Variants in TRIM9 observed in about 807,000 individuals in gnomAD.
The protein encoded by TRIM9 is tripartite motif containing 9.
A neutral mutation model predicts 78.3 loss-of-function variants in TRIM9; 26 were observed. The ratio of observed to expected loss-of-function variants is 0.33; its 90% CI spans 0.24 to 0.46. The LOEUF (loss-of-function observed/expected upper bound fraction) is 0.46. Ranked by LOEUF, TRIM9 falls within the 20% of genes least tolerant of loss-of-function variation. The probability of loss-of-function intolerance (pLI) is 1.00; values close to 1 mark genes in which losing one functional copy is unlikely to be tolerated. For missense variants in TRIM9, 787 were observed against 1,036.4 expected, an observed-to-expected ratio of 0.76 and a Z score of 3.30; for synonymous variants, 398 against 416.5, an observed-to-expected ratio of 0.96 and a Z score of 0.54.
Position 50,979,527 on chromosome 14 carries a change from C to T in TRIM9, c.2185G>A (p.Gly729Arg). Residue 729 changes from glycine to arginine, a missense_variant, in exon 12 of 13, where the codon GGG (glycine) becomes AGG (arginine). Gly to Arg is a moderately radical substitution (Grantham distance 125). Coordinates refer to ENST00000684578, the MANE Select transcript of TRIM9 (RefSeq NM_001387360.1). ...TNRTEGGITK[G>R]ATIGVLLDLN... The stretch of plus-strand genomic sequence containing the variant: ...TCGAGGAGGACCCCAATTGTGGCCC[C>T]TTTTGTGATCCCTCCCTCAGTTCTG... 2 of 1,614,076 alleles carry T rather than the reference C, an allele frequency of 1.2e-6. No homozygotes were observed. Among genetic ancestry groups the T allele is most frequent in the East Asian group, 2.2e-5 (1 of 44,878 alleles).
intron 8 of TRIM9, 141 bp from the exon 9 acceptor site, chr14:50,983,562 T>G (rs1428944621): frequency 4.0e-6 from 2 of 499,542 alleles, no homozygotes; most frequent in African/African-American, 3.9e-5. Context: ...TTTATATTAT[T>G]TAGTTTGTTG....
At chr14:50,999,422 C>G (rs1355356313) in intron 6 of TRIM9, among the ~76,000 whole-genome samples, 2 of 151,918 alleles carry the variant, frequency 1.3e-5, no homozygotes, top group Non-Finnish European at 2.9e-5. Flanking sequence ...GAACCTGAGG[C>G]CCTTATCTTG....
At chr14:51,010,301 G>T in intron 4 of TRIM9, 83 bp downstream of exon 4, 3 of 1,075,382 alleles carry the variant, frequency 2.8e-6, no homozygotes, top group Non-Finnish European at 4.3e-6. Context: ...CCCACCCAGG[G>T]CTGTTGGAAG....
At chr14:51,024,135 T>C (rs925658060) in intron 2 of TRIM9, among the ~76,000 whole-genome samples, 8 of 152,130 alleles carry the variant, frequency 5.3e-5, no homozygotes, top group African/African-American at 1.9e-4. Context: ...TGCAGGGTAA[T>C]ATTGGAGGGT....
chr14:51,071,466 T>C (rs1012491172), intron 1 of TRIM9, among the ~76,000 whole-genome samples: 2 of 151,870 alleles, frequency 1.3e-5, no homozygotes, highest in Admixed American at 1.3e-4. Context: ...ATGCCAACTC[T>C]GATACCTGGG....
intron 1 of TRIM9, among the ~76,000 whole-genome samples, chr14:51,042,783 G>A (rs1449916680): frequency 6.6e-6 from 1 of 152,108 alleles, no homozygotes; most frequent in Non-Finnish European, 1.5e-5. Flanking sequence ...AGCTTTGCCA[G>A]GACCCCAAGA....
At chr14:51,093,832 G>A (rs1421749379) in intron 1 of TRIM9, among the ~76,000 whole-genome samples, 1 of 152,218 alleles carries the variant, frequency 6.6e-6, no homozygotes. Context: ...CTGCAGACCC[G>A]CCGCGGAAAG....
intron 1 of TRIM9, among the ~76,000 whole-genome samples, chr14:51,051,417 A>C (rs2060413574): frequency 6.6e-6 from 1 of 152,214 alleles, no homozygotes. Flanking sequence ...TGAACCTCTT[A>C]GCCAAAACTA....
intron 4 of TRIM9, among the ~76,000 whole-genome samples, chr14:51,009,699 T>C (rs2056315594): frequency 6.6e-6 from 1 of 152,248 alleles, no homozygotes; most frequent in South Asian, 2.1e-4. Context: ...AAGCACATCA[T>C]CTTCATGTGA....
At chr14:51,032,543 C>T (rs1401925679) in intron 1 of TRIM9, among the ~76,000 whole-genome samples, 4 of 152,240 alleles carry the variant, frequency 2.6e-5, no homozygotes, top group Non-Finnish European at 5.9e-5. Flanking sequence ...GAAGAACCAT[C>T]CCAGATCTAG....
At position 51,054,122 on chromosome 14, in the gene TRIM9, G is replaced by A. The variant is rs114627763; in HGVS notation, c.823-28762C>T. Reference sequence around the variant, plus strand: ...TTAAAAAGTTAAAAAAAATTTTAGAGACAAGATCTCATCAGGCTGGCCTGG... The same window carrying A: ...TTAAAAAGTTAAAAAAAATTTTAGAAACAAGATCTCATCAGGCTGGCCTGG... On this transcript the variant is annotated intron_variant, in intron 1 of 12. Transcript: ENST00000684578. Among the ~76,000 whole-genome samples the A allele has an allele frequency of 8.1e-3, 1,233 of 152,214 alleles. 26 individuals carry two copies. Among genetic ancestry groups the A allele is most frequent in the African/African-American group, 0.027 (1,131 of 41,522 alleles).
At chr14:50,997,847 G>T in intron 7 of TRIM9, 1 of 1,398,054 alleles carries the variant, frequency 7.2e-7, no homozygotes. Context: ...TGGAACTGCC[G>T]ATGTGGAATC....
At chr14:51,039,115 C>T (rs528193280) in intron 1 of TRIM9, among the ~76,000 whole-genome samples, 1 of 152,318 alleles carries the variant, frequency 6.6e-6, no homozygotes, top group South Asian at 2.1e-4. Flanking sequence ...AAGATTGGCA[C>T]AGCTTCTTTA....
rs201741709 is a variant in TRIM9 at position 51,035,563 on chromosome 14, G to GT, written c.823-10204dup. Among the ~76,000 whole-genome samples the GT allele has an allele frequency of 5.0e-3, 765 of 152,268 alleles. 7 individuals carry two copies. Among genetic ancestry groups the GT allele is most frequent in the African/African-American group, 0.018 (730 of 41,560 alleles). On this transcript the variant is annotated intron_variant, in intron 1 of 12. Coordinates refer to ENST00000684578, the MANE Select transcript of TRIM9 (RefSeq NM_001387360.1). ...CTGAAAATAATTGGATCTCAAAACT[G>GT]TTTTGCTTATCTTAAAACTGTTCCC...
chr14:51,072,176 G>A (rs1163147502), intron 1 of TRIM9, among the ~76,000 whole-genome samples: 1 of 152,104 alleles, frequency 6.6e-6, no homozygotes, highest in African/African-American at 2.4e-5. Flanking sequence ...GTTCTTTCTG[G>A]AACATTCCAG....
Position 51,094,575 on chromosome 14 carries a change from C to T in TRIM9, c.365G>A (p.Arg122His). The T allele has an allele frequency of 1.2e-6, 2 of 1,611,736 alleles. No homozygotes were observed. The highest frequency in any genetic ancestry group is 1.7e-6 in the Non-Finnish European group (2 of 1,179,294). Residue 122 changes from arginine (R) to histidine (H), a missense_variant, in exon 1 of 13, where the codon CGC (arginine) becomes CAC (histidine). Physicochemically the swap from Arg to His is conservative, Grantham distance 29. Around this residue, in one of 3 missense-constraint regions of TRIM9, gnomAD observed 352 missense variants for 472.3 expected, o/e 0.75. Coordinates refer to ENST00000684578, the MANE Select transcript of TRIM9 (RefSeq NM_001387360.1). Reference protein sequence around the residue: ...HLSPALAPVPRNSCITCPQCH... With the variant: ...HLSPALAPVPHNSCITCPQCH... ...CTGGGGGCAGGTGATACAGGAGTTG[C>T]GGGGCACCGGGGCCAGGGCCGGTGA...
At chr14:51,068,349 A>AAACAAAAAC (rs2061930216) in intron 1 of TRIM9, among the ~76,000 whole-genome samples, 3 of 152,004 alleles carry the variant, frequency 2.0e-5, no homozygotes, top group Non-Finnish European at 2.9e-5. Context: ...ACAAAAACAA[A>AAACAAAAAC]AACAAAAAAC....
intron 7 of TRIM9, 163 bp downstream of exon 7, chr14:50,997,887 G>A: frequency 1.4e-6 from 2 of 1,459,318 alleles, no homozygotes; most frequent in Non-Finnish European, 1.8e-6. Flanking sequence ...CATACCATAG[G>A]CTCTCTAAAG....
chr14:51,045,552 C>T (rs1450544539), intron 1 of TRIM9, among the ~76,000 whole-genome samples: 1 of 152,174 alleles, frequency 6.6e-6, no homozygotes, highest in Admixed American at 6.5e-5. Context: ...TCCCTTCCAA[C>T]TGGATGTCCT....
Sources: gnomAD v4.1 joint callset for allele counts (sites outside exome capture counted in the v4.1 genomes callset) on GRCh38, gnomAD v4.1.1 for gene constraint, gnomAD v4.1.1 regional missense constraint, MANE v1.5 for transcripts, NCBI Gene and HGNC (gene_info 2026-07-23, HGNC 2026-07-21) for gene names.